The following ULK4 variants were observed in gnomAD, a reference collection of about 807,000 sequenced individuals.
The protein encoded by ULK4 is unc-51 like kinase 4, also known as inactive serine/threonine-protein kinase ULK4.
ULK4 carries 133 observed loss-of-function variants against 160.6 expected under a neutral mutation model. The ratio of observed to expected loss-of-function variants is 0.83; its 90% CI spans 0.72 to 0.96. ULK4 has a LOEUF of 0.96. ULK4 is among the 40% of genes least tolerant of loss of function. ULK4 has a pLI of 0.00. For synonymous variants in ULK4, 534 were observed against 539.8 expected, an observed-to-expected ratio of 0.99 and a Z score of 0.15; for missense variants, 1,580 against 1,499.5, an observed-to-expected ratio of 1.05 and a Z score of -0.89.
chr3:41,247,310 G>A (rs1469282505), intron 36 of ULK4, among the ~76,000 whole-genome samples: 1 of 152,202 alleles, frequency 6.6e-6, no homozygotes, highest in African/African-American at 2.4e-5. Context: ...GGGCCTGCCT[G>A]GCTCCTGCCT....
intron 31 of ULK4, among the ~76,000 whole-genome samples, chr3:41,608,510 A>G (rs2032498703): frequency 6.6e-6 from 1 of 152,210 alleles, no homozygotes; most frequent in South Asian, 2.1e-4. Flanking sequence ...ATTGAGAATG[A>G]GTAATCACTG....
At chr3:41,581,209 G>A (rs2030307220) in intron 31 of ULK4, among the ~76,000 whole-genome samples, 1 of 152,108 alleles carries the variant, frequency 6.6e-6, no homozygotes, top group Non-Finnish European at 1.5e-5. Flanking sequence ...ATCTAGCTAA[G>A]TTACCATAAA....
intron 31 of ULK4, among the ~76,000 whole-genome samples, chr3:41,580,378 T>TTA (rs574604510): frequency 1.4e-3 from 192 of 136,130 alleles, no homozygotes; most frequent in African/African-American, 6.3e-3. Flanking sequence ...AATTATTTAT[T>TTA]TTTTTTTTTT....
At chr3:41,552,295 C>T (rs1009535720) in intron 32 of ULK4, among the ~76,000 whole-genome samples, 12 of 151,974 alleles carry the variant, frequency 7.9e-5, no homozygotes, top group African/African-American at 2.7e-4. Flanking sequence ...AAAAAGCATC[C>T]AAACAGGAAA....
chr3:41,645,650 G>GA (rs916127741), intron 30 of ULK4, among the ~76,000 whole-genome samples: 53 of 152,098 alleles, frequency 3.5e-4, no homozygotes, highest in African/African-American at 1.1e-3. Context: ...GTGTGGTGCT[G>GA]AAAAAAATGT....
chr3:41,848,471 G>A (rs2042124787), intron 17 of ULK4, among the ~76,000 whole-genome samples: 1 of 152,080 alleles, frequency 6.6e-6, no homozygotes, highest in Non-Finnish European at 1.5e-5. Context: ...ACTGTGCCTG[G>A]TCTGTAGAAT....
intron 19 of ULK4, 52 bp from the exon 20 acceptor site, chr3:41,800,345 T>C (rs2040422722): frequency 6.6e-7 from 1 of 1,525,218 alleles, no homozygotes; most frequent in South Asian, 1.2e-5. Flanking sequence ...AAATACATGT[T>C]ATTTCTTTAT....
chr3:41,319,394 A>G (rs930455012), intron 35 of ULK4, among the ~76,000 whole-genome samples: 17 of 152,220 alleles, frequency 1.1e-4, no homozygotes, highest in Non-Finnish European at 2.1e-4. Flanking sequence ...TCATATGTCC[A>G]TGATTATCTG....
chr3:41,649,270 C>G (rs958537648), intron 30 of ULK4, among the ~76,000 whole-genome samples: 5 of 152,150 alleles, frequency 3.3e-5, no homozygotes, highest in African/African-American at 1.2e-4. Context: ...TCCAAAGATG[C>G]CAGCTGTAGT....
chr3:41,708,066 A>T (rs766518617), intron 25 of ULK4, among the ~76,000 whole-genome samples: 1 of 152,084 alleles, frequency 6.6e-6, no homozygotes, highest in Non-Finnish European at 1.5e-5. Context: ...TGTCGGTGGG[A>T]ATGTAAACTA....
chr3:41,938,245 T>G, intron 2 of ULK4, 48 bp from the exon 3 acceptor site: 2 of 1,459,670 alleles, frequency 1.4e-6, no homozygotes, highest in Non-Finnish European at 1.9e-6. Flanking sequence ...CCTAAAACTC[T>G]TACATCTACT....
chr3:41,748,782 A>G (rs1286839909), intron 22 of ULK4, among the ~76,000 whole-genome samples: 1 of 152,222 alleles, frequency 6.6e-6, no homozygotes, highest in African/African-American at 2.4e-5. Flanking sequence ...CCTTTCTTAG[A>G]CAAAAAGGTA....
rs373024046 is a variant in ULK4, at chr3:41,559,485, C to T, written c.3226+6540G>A. ...CACAATGGTTGAACTAGTTTACAGT[C>T]CCACCAACAGTGTAAAGGTGTTCCT... On this transcript the variant is annotated intron_variant, in intron 32 of 36. Coordinates refer to ENST00000301831, the MANE Select transcript of ULK4 (RefSeq NM_017886.4). 6.1e-5 allele frequency among the ~76,000 whole-genome samples: 9 copies of T among 147,416 alleles called. 1 individual carries two copies. In the East Asian group the frequency reaches 1.4e-3, roughly 23 times the overall value.
At chr3:41,906,594 G>A (rs1716663) in intron 12 of ULK4, among the ~76,000 whole-genome samples, 143,628 of 151,980 alleles carry the variant, frequency 0.95, 68,381 homozygotes, top group East Asian at 1. Flanking sequence ...ATATTCACCA[G>A]CTGATGACTG....
At chr3:41,887,172 G>A (rs1183672656) in intron 16 of ULK4, among the ~76,000 whole-genome samples, 3 of 152,318 alleles carry the variant, frequency 2.0e-5, no homozygotes, top group South Asian at 2.1e-4. Context: ...CACTGGGGGC[G>A]AGGGAGACAG....
At chr3:41,733,487 A>T (rs1680337879) in intron 22 of ULK4, among the ~76,000 whole-genome samples, 1 of 152,188 alleles carries the variant, frequency 6.6e-6, no homozygotes, top group Admixed American at 6.5e-5. Flanking sequence ...TACAAAATGC[A>T]AGAATGCAGA....
In ULK4 at chr3:41,663,425, T is replaced by C. The variant is rs59421275; in HGVS notation, c.3071+182A>G. ...CTGACTCTAATAAGAATTAAAAATA[T>C]GAGAACGAGAGTCAAAACAGCATAA... On this transcript the variant is annotated intron_variant, in intron 30 of 36. Transcript: ENST00000301831. Among the ~76,000 whole-genome samples the C allele has an allele frequency of 9.4e-3, 1,433 of 152,226 alleles. 21 individuals are homozygous for C. Among genetic ancestry groups the C allele is most frequent in the African/African-American group, 0.032 (1,345 of 41,530 alleles).
intron 27 of ULK4, among the ~76,000 whole-genome samples, chr3:41,686,044 T>C (rs1279460023): frequency 2.6e-5 from 4 of 152,228 alleles, no homozygotes; most frequent in Admixed American, 2.0e-4. Context: ...TATGTGTATA[T>C]GTATATGAAC....
At position 41,855,557 on chromosome 3, in the gene ULK4, G is replaced by A. The variant is rs547374623; in HGVS notation, c.1657-19586C>T. Among the ~76,000 whole-genome samples the A allele has an allele frequency of 1.8e-4, 27 of 152,252 alleles. 1 individual carries two copies. Among genetic ancestry groups the A allele is most frequent in the Admixed American group, 7.2e-4 (11 of 15,284 alleles). ...ATTAAAATTGGGTCCTTTAGATACC[G>A]TAATAACTTAAGTTATGGCATAGAG... On this transcript the variant is annotated intron_variant, in intron 17 of 36. Coordinates refer to ENST00000301831, the MANE Select transcript of ULK4 (RefSeq NM_017886.4).
Sources: allele counts gnomAD v4.1 joint callset (sites outside exome capture counted in the v4.1 genomes callset), GRCh38; gene constraint gnomAD v4.1.1; transcripts MANE v1.5; gene names NCBI Gene and HGNC (gene_info 2026-07-23, HGNC 2026-07-21).